Variants in ZNF248 observed in about 807,000 individuals in gnomAD.
The protein encoded by ZNF248 is zinc finger protein 248, also known as KRAB protein domain.
Under a neutral mutation model 44.3 loss-of-function variants are expected in ZNF248, and 20 were observed. The observed-to-expected ratio is 0.45, with a 90% CI of 0.32 to 0.66. The LOEUF (loss-of-function observed/expected upper bound fraction) is 0.66. Among genes scored for constraint, ZNF248 ranks in the 30% least tolerant of loss-of-function variants. The pLI is 0.04. For missense variants in ZNF248, 654 were observed against 677.0 expected (o/e 0.97, Z 0.38); for synonymous variants, 224 against 229.0 (o/e 0.98, Z 0.20).
chr10:37,833,586 T>C (rs535775501), intron 5 of ZNF248, among the ~76,000 whole-genome samples: 1 of 152,312 alleles, frequency 6.6e-6, no homozygotes, highest in African/African-American at 2.4e-5. Context: ...CACAGTTTAC[T>C]GGGGTAGAAT....
At chr10:37,813,399 G>A (rs2133442574) in intron 6 of ZNF248, among the ~76,000 whole-genome samples, 1 of 152,156 alleles carries the variant, frequency 6.6e-6, no homozygotes, top group Admixed American at 6.5e-5. Flanking sequence ...TGTAGTTCTG[G>A]AAAGTTATAC....
intron 6 of ZNF248, among the ~76,000 whole-genome samples, chr10:37,785,338 T>G (rs2047757699): frequency 6.6e-6 from 1 of 152,170 alleles, no homozygotes; most frequent in African/African-American, 2.4e-5. Flanking sequence ...GCTGACTTAG[T>G]GTAATCTATT....
At chr10:37,837,735 G>A in intron 4 of ZNF248, 23 bp from the exon 5 acceptor site, 1 of 1,605,066 alleles carries the variant, frequency 6.2e-7, no homozygotes, top group South Asian at 1.1e-5. Flanking sequence ...AATACCACAG[G>A]ACTAGAGCTA....
intron 6 of ZNF248, among the ~76,000 whole-genome samples, chr10:37,822,067 G>A (rs1468870010): frequency 6.6e-6 from 1 of 152,082 alleles, no homozygotes; most frequent in African/African-American, 2.4e-5. Context: ...GTCGTCAGAG[G>A]CCCAACTCAT....
At chr10:37,764,249 G>T in the ZNF248 span, among the ~76,000 whole-genome samples, 1 of 152,116 alleles carries the variant, frequency 6.6e-6, no homozygotes, top group Non-Finnish European at 1.5e-5. Flanking sequence ...TGAAGATAAG[G>T]GATGAAATAA....
downstream of ZNF248, among the ~76,000 whole-genome samples, chr10:37,825,596 C>T (rs972465201): frequency 2.0e-5 from 3 of 152,138 alleles, no homozygotes; most frequent in African/African-American, 7.2e-5. Context: ...TGCACCACCA[C>T]ACCCGGCTAA....
chr10:37,772,961 C>T (rs938590009), downstream of ZNF248, among the ~76,000 whole-genome samples: 1 of 152,018 alleles, frequency 6.6e-6, no homozygotes, highest in Non-Finnish European at 1.5e-5. Context: ...TACATATGTA[C>T]CAATATGAAC....
intron 6 of ZNF248, among the ~76,000 whole-genome samples, chr10:37,790,578 C>A (rs1052346159): frequency 6.6e-6 from 1 of 151,464 alleles, no homozygotes; most frequent in Non-Finnish European, 1.5e-5. Context: ...GGCGTAGTGG[C>A]GCACGCCTGT....
At chr10:37,815,394 T>A (rs1325647913) in intron 6 of ZNF248, among the ~76,000 whole-genome samples, 1 of 152,026 alleles carries the variant, frequency 6.6e-6, no homozygotes, top group East Asian at 1.9e-4. Flanking sequence ...AAATTTGATT[T>A]CAATGACCCT....
intron 6 of ZNF248, among the ~76,000 whole-genome samples, chr10:37,791,005 T>C (rs1156229206): frequency 6.8e-6 from 1 of 146,702 alleles, no homozygotes; most frequent in Non-Finnish European, 1.5e-5. Flanking sequence ...GGCTGAAAAA[T>C]GGTCTATGTT....
intron 3 of ZNF248, among the ~76,000 whole-genome samples, chr10:37,847,757 T>C (rs974686112): frequency 1.3e-5 from 2 of 152,154 alleles, no homozygotes; most frequent in African/African-American, 4.8e-5. Flanking sequence ...TGAATTTGAT[T>C]CAAAATAATC....
intron 6 of ZNF248, among the ~76,000 whole-genome samples, chr10:37,784,634 C>T (rs2047677605): frequency 6.6e-6 from 1 of 152,176 alleles, no homozygotes; most frequent in Non-Finnish European, 1.5e-5. Flanking sequence ...GACTCAAATG[C>T]AGTTCACTTT....
At chr10:37,837,954 T>G in intron 4 of ZNF248, 31 bp downstream of exon 4, 1 of 1,606,968 alleles carries the variant, frequency 6.2e-7, no homozygotes, top group Middle Eastern at 1.7e-4. Flanking sequence ...TGCATGCTAT[T>G]GATAGCCATG....
At position 37,850,721 on chromosome 10, in the gene ZNF248, T is replaced by G. The variant is rs138173594; in HGVS notation, c.15+5575A>C. On this transcript the variant is annotated intron_variant, in intron 3 of 5. Coordinates refer to ENST00000395867, the MANE Select transcript of ZNF248 (RefSeq NM_021045.3). The stretch of plus-strand genomic sequence containing the variant: ...TCACAAATTTGTTGAAAAAAAATTT[T>G]TAACAAATGGTGCTGCAAGCAATTG... Among the ~76,000 whole-genome samples, 133 of 152,266 alleles carry G rather than the reference T, an allele frequency of 8.7e-4. 1 individual carries two copies. In the Middle Eastern group the frequency reaches 0.024, roughly 27 times the overall value.
chr10:37,846,432 G>A (rs537360909), intron 3 of ZNF248, among the ~76,000 whole-genome samples: 12 of 152,190 alleles, frequency 7.9e-5, no homozygotes, highest in South Asian at 4.1e-4. Context: ...CAAGGAGTTC[G>A]AGACCGGCTT....
At chr10:37,842,586 T>C (rs1299135509) in intron 3 of ZNF248, among the ~76,000 whole-genome samples, 1 of 152,150 alleles carries the variant, frequency 6.6e-6, no homozygotes, top group Non-Finnish European at 1.5e-5. Flanking sequence ...GCTTATCTGT[T>C]CCAACTATGT....
At chr10:37,779,705 A>G (rs112967966) in intron 6 of ZNF248, among the ~76,000 whole-genome samples, 27,301 of 147,884 alleles carry the variant, frequency 0.18, 2,857 homozygotes, top group Middle Eastern at 0.26. Context: ...TATTCAATTA[A>G]GAAAAGAGGA....
chr10:37,761,936 T>C, the ZNF248 span, among the ~76,000 whole-genome samples: 1 of 152,212 alleles, frequency 6.6e-6, no homozygotes, highest in Non-Finnish European at 1.5e-5. Context: ...TGTTCTGCTA[T>C]TGTCAGATCT....
intron 5 of ZNF248, among the ~76,000 whole-genome samples, chr10:37,835,332 C>T (rs960042623): frequency 6.6e-6 from 1 of 152,070 alleles, no homozygotes; most frequent in Non-Finnish European, 1.5e-5. Flanking sequence ...TTTATTAGTA[C>T]GGTGATGCCA....
Sources: gnomAD v4.1 joint callset for allele counts (sites outside exome capture counted in the v4.1 genomes callset) on GRCh38, gnomAD v4.1.1 for gene constraint, MANE v1.5 for transcripts, NCBI Gene and HGNC (gene_info 2026-07-23, HGNC 2026-07-21) for gene names.